The following ZNF516 variants were observed in gnomAD, a reference collection of about 807,000 sequenced individuals.
The protein encoded by ZNF516 is zinc finger protein 516.
ZNF516 carries 19 observed loss-of-function variants against 79.7 expected under a neutral mutation model. The observed-to-expected ratio is 0.24, with a 90% CI of 0.17 to 0.35. ZNF516 has a LOEUF of 0.35. Among genes scored for constraint, ZNF516 ranks in the 10% least tolerant of loss-of-function variants. ZNF516 has a pLI of 1.00. For missense variants in ZNF516, 1,678 were observed against 1,679.5 expected (o/e 1.00, Z 0.02); for synonymous variants, 877 against 739.5 (o/e 1.19, Z -3.02).
chr18:76,398,567 AAGG>A (rs768099868), intron 3 of ZNF516, among the ~76,000 whole-genome samples: 1 of 152,182 alleles, frequency 6.6e-6, no homozygotes, highest in Non-Finnish European at 1.5e-5. Context: ...AGCTTAGAGT[AAGG>A]AGGAGAGCAG....
intron 2 of ZNF516, 27 bp from the exon 3 acceptor site, chr18:76,443,238 C>G: frequency 1.1e-6 from 1 of 910,988 alleles, no homozygotes; most frequent in Non-Finnish European, 1.6e-6. Flanking sequence ...ACATCATCAG[C>G]AAAGCTCCTG....
At chr18:76,410,019 C>T (rs2075355145) in intron 3 of ZNF516, among the ~76,000 whole-genome samples, 1 of 152,222 alleles carries the variant, frequency 6.6e-6, no homozygotes. Context: ...CTCTTGCCCA[C>T]CGCCATGTAA....
Position 76,493,154 on chromosome 18 carries a change from G to A in ZNF516, c.-272+1990C>T. Reference sequence around the variant, plus strand: ...TTCATTTAATGGTAAAACAACAGCAGAGCTCTGAAAGTTAGCCATCTGCGC... The same window carrying A: ...TTCATTTAATGGTAAAACAACAGCAAAGCTCTGAAAGTTAGCCATCTGCGC... On this transcript the variant is annotated intron_variant, in intron 1 of 6. Coordinates refer to ENST00000443185, the MANE Select transcript of ZNF516 (RefSeq NM_014643.4). The surrounding 1 kb of genome is among the most constrained non-coding windows in gnomAD (Gnocchi z 5.2). The A allele has an allele frequency of 1.0e-6, 1 of 985,188 alleles. No individual in the cohort carries two copies. Among genetic ancestry groups the A allele is most frequent in the Non-Finnish European group, 1.2e-6 (1 of 829,860 alleles). The allele number at this position is 985,188 out of a possible 1,614,324, so 61.0% of individuals were successfully genotyped here.
At chr18:76,436,389 TC>T (rs2075735068) in intron 3 of ZNF516, among the ~76,000 whole-genome samples, 1 of 152,152 alleles carries the variant, frequency 6.6e-6, no homozygotes, top group African/African-American at 2.4e-5. Context: ...TTTTCTCTCC[TC>T]CTTGGTCCAC....
chr18:76,445,262 A>AC (rs980498284), intron 2 of ZNF516, among the ~76,000 whole-genome samples: 25 of 151,768 alleles, frequency 1.6e-4, no homozygotes, highest in Non-Finnish European at 2.8e-4. Flanking sequence ...ATCTCCAAAA[A>AC]AAAAAAAACA....
At chr18:76,445,656 T>C (rs919074956) in intron 2 of ZNF516, among the ~76,000 whole-genome samples, 1 of 152,140 alleles carries the variant, frequency 6.6e-6, no homozygotes, top group Admixed American at 6.5e-5. Flanking sequence ...CTGAAATAAT[T>C]GTACAGACTC....
rs1323167892 is a variant in ZNF516 at position 76,459,812 on chromosome 18, G to C, written c.-158+3216C>G. Among the ~76,000 whole-genome samples, 1 of 152,188 alleles carries C rather than the reference G, an allele frequency of 6.6e-6. No individual in the cohort carries two copies. The highest frequency in any genetic ancestry group is 1.5e-5 in the Non-Finnish European group (1 of 68,032). On this transcript the variant is annotated intron_variant, in intron 2 of 6. Coordinates refer to ENST00000443185, the MANE Select transcript of ZNF516 (RefSeq NM_014643.4). The surrounding 1 kb of genome is among the most constrained non-coding windows in gnomAD (Gnocchi z 5.0). ...CTGCAGGCCCCCGGAGACGAGGTTAGACGGTGGCAGGCAGGCTAAGAACAG... is the reference window on the plus strand; with the variant it reads ...CTGCAGGCCCCCGGAGACGAGGTTACACGGTGGCAGGCAGGCTAAGAACAG...
rs58461465 is a variant in ZNF516, at chr18:76,467,768, T to G, written c.-271-4627A>C. 0.03 allele frequency among the ~76,000 whole-genome samples: 4,515 copies of G among 152,352 alleles called. 216 individuals are homozygous for G. The highest frequency in any genetic ancestry group is 0.1 in the African/African-American group (4,251 of 41,560). On this transcript the variant is annotated intron_variant, in intron 1 of 6. Transcript: ENST00000443185. The surrounding 1 kb of genome is among the most constrained non-coding windows in gnomAD (Gnocchi z 4.2). ...CCTGCATTTGCAGGCATGTTCAAAC[T>G]GTAAGCCCGTTCGATTCCTGAGTTA...
chr18:76,392,832 AAGC>A (rs1317473370), intron 3 of ZNF516, among the ~76,000 whole-genome samples: 67 of 42,470 alleles, frequency 1.6e-3, no homozygotes, highest in South Asian at 2.3e-3. Flanking sequence ...GTCAGGTGGG[AAGC>A]CGGGAAGGCA....
chr18:76,496,408 GTC>G (rs1463241693), upstream of ZNF516: 4 of 1,289,564 alleles, frequency 3.1e-6, no homozygotes, highest in Admixed American at 2.3e-5. Context: ...CAGCGGCGGC[GTC>G]TCTCTCTGCG....
At chr18:76,473,904 G>GTATGT (rs1555718878) in intron 1 of ZNF516, among the ~76,000 whole-genome samples, 3 of 63,032 alleles carry the variant, frequency 4.8e-5, no homozygotes, top group African/African-American at 1.4e-4. Context: ...GTTTTTGTGT[G>GTATGT]GGGGGGGGGG....
At chr18:76,429,266 G>A (rs1305497983) in intron 3 of ZNF516, among the ~76,000 whole-genome samples, 1 of 152,244 alleles carries the variant, frequency 6.6e-6, no homozygotes, top group Admixed American at 6.5e-5. Flanking sequence ...TGTGTGGGGA[G>A]CAACAATGGC....
chr18:76,481,402 A>G (rs956501555), intron 1 of ZNF516, among the ~76,000 whole-genome samples: 1 of 152,210 alleles, frequency 6.6e-6, no homozygotes, highest in Non-Finnish European at 1.5e-5. Context: ...AGAAAGAGGA[A>G]GGGTGGAGGG....
intron 4 of ZNF516, 95 bp downstream of exon 4, chr18:76,378,760 G>A (rs1045554940): frequency 1.3e-6 from 2 of 1,487,646 alleles, no homozygotes; most frequent in Non-Finnish European, 1.8e-6. Context: ...TGTCCTCAGG[G>A]ACATGGACAG....
intron 1 of ZNF516, among the ~76,000 whole-genome samples, chr18:76,475,369 T>C (rs1210714619): frequency 6.6e-6 from 1 of 152,204 alleles, no homozygotes; most frequent in Non-Finnish European, 1.5e-5. Context: ...TATCAAGCAC[T>C]GACAAAGAGA....
intron 1 of ZNF516, among the ~76,000 whole-genome samples, chr18:76,482,740 A>G (rs1002298108): frequency 1.3e-5 from 2 of 152,212 alleles, no homozygotes; most frequent in Non-Finnish European, 2.9e-5. Context: ...TCTCTCATGC[A>G]ATGAAATAGG....
At chr18:76,495,877 A>T (rs1915463156), upstream of ZNF516, 3 of 485,596 alleles carry the variant, frequency 6.2e-6, no homozygotes, top group Non-Finnish European at 9.0e-6. Context: ...GGATCAATAC[A>T]TTAAGTCCTG....
rs867064817 is a variant in ZNF516 at position 76,491,184 on chromosome 18, G to A, written c.-272+3960C>T. 1.2e-4 allele frequency: 109 copies of A among 882,090 alleles called. No homozygotes were observed. In the Middle Eastern group the frequency reaches 1.7e-3, roughly 14 times the overall value. 54.6% of individuals were successfully genotyped at this position (882,090 alleles called of 1,614,324 possible). A position where few individuals can be genotyped will look rare whatever the true frequency, so the allele number is the denominator to read the frequency against. ...TGGGCTCCGCCGCGCCTCGGCCCCC[G>A]GAGCCCGGTCCACGCCGCCGCGCGG... On this transcript the variant is annotated intron_variant, in intron 1 of 6. Transcript: ENST00000443185.
chr18:76,488,694 ATACC>A (rs1347732273), intron 1 of ZNF516, among the ~76,000 whole-genome samples: 7 of 152,268 alleles, frequency 4.6e-5, no homozygotes, highest in Admixed American at 4.6e-4. Context: ...TATAATGCAG[ATACC>A]TAATCAAATA....
Sources: gnomAD v4.1 joint callset for allele counts (sites outside exome capture counted in the v4.1 genomes callset) on GRCh38, gnomAD v4.1.1 for gene constraint, Gnocchi (gnomAD v3.1) non-coding constraint, MANE v1.5 for transcripts, NCBI Gene and HGNC (gene_info 2026-07-23, HGNC 2026-07-21) for gene names.